DGLUCY: variants seen among roughly 807,000 people sequenced by gnomAD.
DGLUCY encodes D-glutamate cyclase, also known as D-glutamate cyclase, mitochondrial.
DGLUCY carries 58 observed loss-of-function variants against 58.5 expected under a neutral mutation model. That is an observed-to-expected ratio of 0.99 (90% confidence interval 0.80 to 1.23). DGLUCY has a LOEUF of 1.23. DGLUCY is among the 50% of genes most tolerant of loss of function. The pLI is 0.00. For missense variants in DGLUCY, 779 were observed against 784.7 expected (o/e 0.99, Z 0.09); for synonymous variants, 325 against 314.1 (o/e 1.03, Z -0.37).
chr14:91,077,382 GGAA>G (rs1223584306), intron 1 of DGLUCY, among the ~76,000 whole-genome samples: 1 of 146,168 alleles, frequency 6.8e-6, no homozygotes, highest in African/African-American at 2.5e-5. Flanking sequence ...AGGAAGGAAA[GGAA>G]GGAAGGAAGG....
chr14:91,121,767 G>A (rs779336861), intron 1 of DGLUCY, among the ~76,000 whole-genome samples: 3 of 151,968 alleles, frequency 2.0e-5, no homozygotes, highest in Non-Finnish European at 4.4e-5. Context: ...AGTGTGCCAG[G>A]CACTGTTCAG....
At chr14:91,179,587 C>T (rs2049042572) in intron 7 of DGLUCY, among the ~76,000 whole-genome samples, 1 of 151,892 alleles carries the variant, frequency 6.6e-6, no homozygotes, top group South Asian at 2.1e-4. Flanking sequence ...CCTGTCTCTA[C>T]TAAAAATACA....
chr14:91,070,204 A>G (rs2043892413), intron 1 of DGLUCY, among the ~76,000 whole-genome samples: 1 of 152,030 alleles, frequency 6.6e-6, no homozygotes, highest in Admixed American at 6.6e-5. Flanking sequence ...ATTTATTTCT[A>G]TTTTTTGTGA....
intron 1 of DGLUCY, among the ~76,000 whole-genome samples, chr14:91,067,401 T>C (rs1416205492): frequency 6.6e-6 from 1 of 152,190 alleles, no homozygotes; most frequent in African/African-American, 2.4e-5. Context: ...AGGAAGTTCC[T>C]CACCTTTGCA....
chr14:91,172,412 A>G (rs2048618143), intron 5 of DGLUCY, among the ~76,000 whole-genome samples: 1 of 152,134 alleles, frequency 6.6e-6, no homozygotes, highest in Non-Finnish European at 1.5e-5. Flanking sequence ...ACTCACATTT[A>G]GCATTTCCTT....
chr14:91,180,310 A>G (rs1033298836), intron 7 of DGLUCY, among the ~76,000 whole-genome samples: 1 of 151,938 alleles, frequency 6.6e-6, no homozygotes, highest in African/African-American at 2.4e-5. Flanking sequence ...GGTGGCTCAC[A>G]CCTGTAATCC....
intron 1 of DGLUCY, among the ~76,000 whole-genome samples, chr14:91,117,394 G>T (rs1425698950): frequency 6.6e-6 from 1 of 152,094 alleles, no homozygotes; most frequent in Non-Finnish European, 1.5e-5. Context: ...GTAAGTCTCA[G>T]CCTTATTTTA....
chr14:91,154,449 C>T (rs1475012203), intron 1 of DGLUCY, among the ~76,000 whole-genome samples: 4 of 152,068 alleles, frequency 2.6e-5, no homozygotes, highest in Admixed American at 1.3e-4. Context: ...TATTCTTTGT[C>T]GGGCACCCAT....
At chr14:91,081,675 C>T (rs2044129717) in intron 1 of DGLUCY, among the ~76,000 whole-genome samples, 1 of 152,106 alleles carries the variant, frequency 6.6e-6, no homozygotes, top group South Asian at 2.1e-4. Flanking sequence ...TGCCTTGTGG[C>T]TCCTTTCTCT....
intron 13 of DGLUCY, among the ~76,000 whole-genome samples, chr14:91,222,420 G>C (rs892196269): frequency 1.3e-5 from 2 of 152,206 alleles, no homozygotes; most frequent in Admixed American, 6.5e-5. Context: ...CCCATAAAGA[G>C]AGGATATGAC....
chr14:91,074,437 T>C (rs2043985447), intron 1 of DGLUCY, among the ~76,000 whole-genome samples: 1 of 151,506 alleles, frequency 6.6e-6, no homozygotes, highest in Non-Finnish European at 1.5e-5. Flanking sequence ...TATGATGTGG[T>C]CTCATTGGAC....
At chr14:91,203,348 A>G (rs2140618137) in intron 11 of DGLUCY, among the ~76,000 whole-genome samples, 1 of 152,320 alleles carries the variant, frequency 6.6e-6, no homozygotes, top group South Asian at 2.1e-4. Context: ...GATGTTTGAG[A>G]TGGATCAGCT....
chr14:91,060,677 T>C, exon 1 of DGLUCY: 2 of 394,708 alleles, frequency 5.1e-6, no homozygotes, highest in South Asian at 1.1e-4. Flanking sequence ...CGCCGCCTCC[T>C]CAGGCCGCTC....
chr14:91,074,312 A>AATATAT (rs71120111), intron 1 of DGLUCY, among the ~76,000 whole-genome samples: 1 of 121,882 alleles, frequency 8.2e-6, no homozygotes, highest in Middle Eastern at 3.9e-3. Context: ...AAAAAAAAAA[A>AATATAT]ATATATATAT....
Position 91,200,143 on chromosome 14 carries a change from C to T in DGLUCY, c.1444+238C>T, listed in dbSNP as rs529184935. ...CTAATTTTTGTATGTTTGGTAGAGA[C>T]GAGGTTTCACCATGTTGGCCAGGCT... On this transcript the variant is annotated intron_variant, in intron 11 of 13. Transcript: ENST00000256324. 3.7e-4 allele frequency among the ~76,000 whole-genome samples: 56 copies of T among 152,116 alleles called. 1 individual carries two copies. Among genetic ancestry groups the T allele is most frequent in the Non-Finnish European group, 6.5e-4 (44 of 67,970 alleles).
chr14:91,095,033 C>T (rs2044371572), intron 1 of DGLUCY, among the ~76,000 whole-genome samples: 1 of 152,112 alleles, frequency 6.6e-6, no homozygotes, highest in Non-Finnish European at 1.5e-5. Flanking sequence ...CTGGTCACCT[C>T]TCCTAGCCAC....
chr14:91,068,083 A>G (rs893123251), intron 1 of DGLUCY, among the ~76,000 whole-genome samples: 3,596 of 122,422 alleles, frequency 0.029, 120 homozygotes, highest in African/African-American at 0.12. Context: ...GCGCACGCAC[A>G]CACACACACA....
intron 1 of DGLUCY, among the ~76,000 whole-genome samples, chr14:91,143,533 C>G (rs1352308681): frequency 2.0e-5 from 3 of 152,186 alleles, no homozygotes; most frequent in African/African-American, 7.2e-5. Context: ...TGGTCTCCAA[C>G]CGTTTCTCCA....
intron 11 of DGLUCY, 26 bp from the exon 12 acceptor site, chr14:91,204,680 A>G: frequency 6.2e-7 from 1 of 1,611,742 alleles, no homozygotes; most frequent in Non-Finnish European, 8.5e-7. Flanking sequence ...GGTCCCGTGC[A>G]CTGACTCAGC....
Sources: allele counts gnomAD v4.1 joint callset (sites outside exome capture counted in the v4.1 genomes callset), GRCh38; gene constraint gnomAD v4.1.1; transcripts MANE v1.5; gene names NCBI Gene and HGNC (gene_info 2026-07-23, HGNC 2026-07-21).